EXOC3L2: variants seen among roughly 807,000 people sequenced by gnomAD.
EXOC3L2 encodes exocyst complex component 3-like protein 2.
A neutral mutation model predicts 44.4 loss-of-function variants in EXOC3L2; 17 were observed. That is an observed-to-expected ratio of 0.38 (90% CI 0.26 to 0.57). EXOC3L2 has a LOEUF of 0.57. EXOC3L2 is among the 20% of genes least tolerant of loss of function. The pLI, the probability that EXOC3L2 is intolerant of heterozygous loss-of-function variation, is 0.65. For missense variants in EXOC3L2, 541 were observed against 588.4 expected, an observed-to-expected ratio of 0.92 and a Z score of 0.83; for synonymous variants, 256 against 253.7, an observed-to-expected ratio of 1.01 and a Z score of -0.09.
rs957385712 is a variant in EXOC3L2 at position 45,226,747 on chromosome 19, C to CTTTTTTTTTTT, written c.1583+904_1583+914dup. Among the ~76,000 whole-genome samples the CTTTTTTTTTTT allele has an allele frequency of 3.4e-3, 312 of 90,650 alleles. 41 individuals are homozygous for CTTTTTTTTTTT. Among genetic ancestry groups the CTTTTTTTTTTT allele is most frequent in the African/African-American group, 0.018 (293 of 16,268 alleles). 59.5% of individuals were successfully genotyped at this position (90,650 alleles called of 152,430 possible). A position where few individuals can be genotyped will look rare whatever the true frequency, so the allele number is the denominator to read the frequency against. On this transcript the variant is annotated intron_variant, in intron 7 of 11. Coordinates refer to ENST00000413988, the MANE Select transcript of EXOC3L2 (RefSeq NM_001382422.1). ...CACTGTGCCCAGCTGACTCCCATCT[C>CTTTTTTTTTTT]TTTTTTTTTTTTTTTTTTTTTTTGA...
intron 6 of EXOC3L2, 23 bp from the exon 7 acceptor site, chr19:45,227,795 A>T: frequency 6.3e-7 from 1 of 1,598,816 alleles, no homozygotes; most frequent in Non-Finnish European, 8.5e-7. Flanking sequence ...AAGGGGACAG[A>T]TAGGGCGCCA....
intron 8 of EXOC3L2, among the ~76,000 whole-genome samples, chr19:45,220,651 T>G (rs946018905): frequency 6.6e-6 from 1 of 151,720 alleles, no homozygotes; most frequent in Non-Finnish European, 1.5e-5. Context: ...ATTCCAGGCA[T>G]AAGACAGGGA....
At chr19:45,231,693 C>A in intron 4 of EXOC3L2, 70 bp downstream of exon 4, 1 of 1,360,216 alleles carries the variant, frequency 7.4e-7, no homozygotes, top group Non-Finnish European at 1.0e-6. Context: ...AGGGGACAGG[C>A]TTCCCAAGCC....
intron 8 of EXOC3L2, among the ~76,000 whole-genome samples, chr19:45,222,324 C>T (rs758775325): frequency 6.6e-6 from 1 of 151,742 alleles, no homozygotes; most frequent in Admixed American, 6.6e-5. Flanking sequence ...CTCAGCCTCC[C>T]GAGTAGCTGG....
chr19:45,218,151 CCT>C (rs761485547), intron 9 of EXOC3L2, 44 bp downstream of exon 9: 103 of 1,180,994 alleles, frequency 8.7e-5, no homozygotes, highest in Non-Finnish European at 3.5e-6. Context: ...TTCCTCCTCC[CCT>C]CTTTTCCCCC....
rs568684458 is a variant in EXOC3L2 at position 45,216,089 on chromosome 19, C to T, written c.2104G>A (p.Asp702Asn). 33 of 1,613,820 alleles carry T rather than the reference C, an allele frequency of 2.0e-5. No homozygotes were observed. Among genetic ancestry groups the T allele is most frequent in the Middle Eastern group, 1.6e-4 (1 of 6,062 alleles). Reference protein sequence around the residue: ...IQVEVGVLVRDYPDIRQKHVA... With the variant: ...IQVEVGVLVRNYPDIRQKHVA... The stretch of plus-strand genomic sequence containing the variant: ...GTGTCTCACCTGATGTCTGGGTAGT[C>T]GCGCACCAACACTCCCACCTCCACC... The change falls in exon 11 of 12, where the codon GAC becomes AAC. Residue 702 changes from aspartate to asparagine, a missense_variant. Transcript: ENST00000413988.
intron 1 of EXOC3L2, among the ~76,000 whole-genome samples, chr19:45,242,992 A>C (rs750100773): frequency 6.6e-6 from 1 of 152,104 alleles, no homozygotes; most frequent in Non-Finnish European, 1.5e-5. Flanking sequence ...TACCCGTCCA[A>C]GTAGATTTTT....
At chr19:45,225,517 C>G (rs1355071054) in intron 7 of EXOC3L2, among the ~76,000 whole-genome samples, 1 of 152,206 alleles carries the variant, frequency 6.6e-6, no homozygotes, top group African/African-American at 2.4e-5. Flanking sequence ...ATCCACCTGC[C>G]TTGGCCTCCC....
rs1287600628 is a variant in EXOC3L2 at position 45,212,901 on chromosome 19, T to G, written c.*168A>C. 1.2e-4 allele frequency: 82 copies of G among 699,450 alleles called. No individual in the cohort carries two copies. The highest frequency in any genetic ancestry group is 4.1e-4 in the Middle Eastern group (1 of 2,436). The allele number at this position is 699,450 out of a possible 1,614,324, so 43.3% of individuals were successfully genotyped here. ...AGGCATGAGCCACCGTGCCTGGCGT[T>G]TGTTTCCCTTCTGTACAGGGAGTTT... On this transcript the variant is annotated 3_prime_UTR_variant, in exon 12 of 12. Coordinates refer to ENST00000413988, the MANE Select transcript of EXOC3L2 (RefSeq NM_001382422.1).
At chr19:45,222,108 C>G (rs1444174380) in intron 8 of EXOC3L2, among the ~76,000 whole-genome samples, 1 of 151,962 alleles carries the variant, frequency 6.6e-6, no homozygotes, top group Non-Finnish European at 1.5e-5. Flanking sequence ...AACACTCCCT[C>G]AAAAGCCTAC....
At chr19:45,236,376 G>A (rs1035234328) in intron 2 of EXOC3L2, among the ~76,000 whole-genome samples, 2 of 140,264 alleles carry the variant, frequency 1.4e-5, no homozygotes, top group Non-Finnish European at 3.0e-5. Context: ...TGAGACAGGA[G>A]AATTGCTTGA....
At position 45,234,526 on chromosome 19, in the gene EXOC3L2, C is replaced by A. The variant is rs895693649; in HGVS notation, c.824G>T (p.Gly275Val). 2.4e-5 allele frequency: 6 copies of A among 249,640 alleles called. No homozygotes were observed. In the Admixed American group the frequency reaches 3.3e-4, roughly 14 times the overall value. 15.5% of individuals were successfully genotyped at this position (249,640 alleles called of 1,614,324 possible). A position where few individuals can be genotyped will look rare whatever the true frequency, so the allele number is the denominator to read the frequency against. The change falls in exon 3 of 12, where the codon GGG (glycine) becomes GTG (valine). Residue 275 changes from glycine to valine, a missense_variant. Physicochemically the swap from Gly to Val is moderately radical, Grantham distance 109 (BLOSUM62 -3). Coordinates refer to ENST00000413988, the MANE Select transcript of EXOC3L2 (RefSeq NM_001382422.1). This position sits in a 1 kb window ranked among gnomAD's most constrained non-coding sequence, Gnocchi z 5.0. ...GCGGGCCGCCCCGGGACCCCGACGCCCGTCGGCCGCCTCCTCCTGTACCAG... is the reference window on the plus strand; with the variant it reads ...GCGGGCCGCCCCGGGACCCCGACGCACGTCGGCCGCCTCCTCCTGTACCAG... ...QVLVQEEAAD[G>V]RRGPGAARKL...
In EXOC3L2 at chr19:45,227,783, G is replaced by A; in HGVS notation, c.1473-11C>T. ...ACACGCTGCTGGAAGCTGGTGGGAG[G>A]AAAGGGGACAGATAGGGCGCCACTG... On this transcript the variant is annotated splice_polypyrimidine_tract_variant and intron_variant, in intron 6 of 11. Transcript: ENST00000413988. The A allele has an allele frequency of 6.2e-7, 1 of 1,606,466 alleles. No individual in the cohort carries two copies. The highest frequency in any genetic ancestry group is 8.5e-7 in the Non-Finnish European group (1 of 1,177,174).
At position 45,217,616 on chromosome 19, in the gene EXOC3L2, A is replaced by C. The variant is rs952273405; in HGVS notation, c.1910T>G (p.Leu637Arg). 5.3e-6 allele frequency: 8 copies of C among 1,501,544 alleles called. No homozygotes were observed. Among genetic ancestry groups the C allele is most frequent in the Non-Finnish European group, 6.2e-6 (7 of 1,133,416 alleles). The allele number at this position is 1,501,544 out of a possible 1,614,324, so 93.0% of individuals were successfully genotyped here. ...EYVRPLLRGRLRCSSARTRSR... is the reference protein window; with the variant it reads ...EYVRPLLRGRRRCSSARTRSR... ...GCGGGTCCGCGCCGAGCTGCAGCGCAGGCGCCCACGGAGCAGGGGCCGCAC... is the reference window on the plus strand; with the variant it reads ...GCGGGTCCGCGCCGAGCTGCAGCGCCGGCGCCCACGGAGCAGGGGCCGCAC... Residue 637 changes from leucine (L) to arginine (R), a missense_variant, in exon 10 of 12, where the codon CTG becomes CGG. Physicochemically the swap from Leu to Arg is moderately radical, Grantham distance 102. Coordinates refer to ENST00000413988, the MANE Select transcript of EXOC3L2 (RefSeq NM_001382422.1).
chr19:45,227,133 T>C (rs1054713302), intron 7 of EXOC3L2, among the ~76,000 whole-genome samples: 1 of 150,890 alleles, frequency 6.6e-6, no homozygotes, highest in Non-Finnish European at 1.5e-5. Flanking sequence ...TTCTTTTTTT[T>C]TTGAGACGGA....
In EXOC3L2 at chr19:45,238,931, C is replaced by G. The variant is rs917297068; in HGVS notation, c.115G>C (p.Glu39Gln). ...GGGAGGGACCCCAGCTCCCCGGCCT[C>G]TTCTTCCTCCAGCCCTGAAACTTCT... Reference protein sequence around the residue: ...FEEVSGLEEEEAGELGSLPNG... With the variant: ...FEEVSGLEEEQAGELGSLPNG... Residue 39 changes from glutamate to glutamine, a missense_variant, in exon 2 of 12, where the codon GAG becomes CAG. Transcript: ENST00000413988. The surrounding 1 kb of genome is among the most constrained non-coding windows in gnomAD (Gnocchi z 5.5). 2 of 399,140 alleles carry G rather than the reference C, an allele frequency of 5.0e-6. No homozygotes were observed. Among genetic ancestry groups the G allele is most frequent in the Non-Finnish European group, 8.8e-6 (2 of 226,242 alleles). The allele number at this position is 399,140 out of a possible 1,614,324, so 24.7% of individuals were successfully genotyped here.
At position 45,224,714 on chromosome 19, in the gene EXOC3L2, T is replaced by A. The variant is rs1026113636; in HGVS notation, c.1719+64A>T. 6.6e-6 allele frequency: 10 copies of A among 1,511,908 alleles called. No individual in the cohort carries two copies. In the African/African-American group the frequency reaches 1.3e-4, roughly 19 times the overall value. 93.7% of individuals were successfully genotyped at this position (1,511,908 alleles called of 1,614,324 possible). A position where few individuals can be genotyped will look rare whatever the true frequency, so the allele number is the denominator to read the frequency against. On this transcript the variant is annotated intron_variant, in intron 8 of 11. Transcript: ENST00000413988. ...CCATGGGCTAAAAGGAACTGGAGGATGGTGGGGGGCAGCGCTTCCCTGTCC... is the reference window on the plus strand; with the variant it reads ...CCATGGGCTAAAAGGAACTGGAGGAAGGTGGGGGGCAGCGCTTCCCTGTCC...
At chr19:45,218,589 C>T (rs1384770929) in intron 8 of EXOC3L2, among the ~76,000 whole-genome samples, 1 of 152,060 alleles carries the variant, frequency 6.6e-6, no homozygotes, top group African/African-American at 2.4e-5. Flanking sequence ...ATGCCTGACT[C>T]AGCATAGAGC....
chr19:45,216,226 C>A, intron 10 of EXOC3L2, 32 bp from the exon 11 acceptor site: 1 of 1,609,420 alleles, frequency 6.2e-7, no homozygotes, highest in Non-Finnish European at 8.5e-7. Flanking sequence ...GGGTCACACC[C>A]TCCCAAGATT....
Sources: gnomAD v4.1 joint callset for allele counts (sites outside exome capture counted in the v4.1 genomes callset) on GRCh38, gnomAD v4.1.1 for gene constraint, Gnocchi (gnomAD v3.1) non-coding constraint, MANE v1.5 for transcripts, NCBI Gene and HGNC (gene_info 2026-07-23, HGNC 2026-07-21) for gene names.